Variants in NANS observed in about 807,000 individuals in gnomAD.
The protein encoded by NANS is N-acetylneuraminate-9-phosphate synthase.
In NANS, 29 loss-of-function variants were observed where a neutral mutation model predicts 33.3. The ratio of observed to expected loss-of-function variants is 0.87; its 90% CI spans 0.65 to 1.19. NANS has a LOEUF of 1.19. Ranked by LOEUF, NANS falls within the 50% of genes most tolerant of loss-of-function variation. NANS has a pLI of 0.00. For missense variants in NANS, 394 were observed against 461.1 expected (o/e 0.85, Z 1.33); for synonymous variants, 163 against 177.2 (o/e 0.92, Z 0.64).
intron 2 of NANS, among the ~76,000 whole-genome samples, chr9:98,064,950 G>A (rs942694776): frequency 1.3e-5 from 2 of 152,070 alleles, no homozygotes; most frequent in East Asian, 1.9e-4. Flanking sequence ...TTAAACCTAC[G>A]TAAAAAGGTT....
Position 98,059,046 on chromosome 9 carries a change from C to T in NANS, c.133-1736C>T, listed in dbSNP as rs142365852. On this transcript the variant is annotated intron_variant, in intron 1 of 5. Transcript: ENST00000210444. ...AAGTTTTTATTTTTTTTTTTCAAGA[C>T]GGAGTCTCGCTGTGTCACCCAGGCT... Among the ~76,000 whole-genome samples the T allele has an allele frequency of 9.3e-5, 14 of 151,152 alleles. No homozygotes were observed. The East Asian group carries it at 2.2e-3, about 23-fold the overall frequency.
chr9:98,063,289 T>A (rs1317255145), intron 2 of NANS, among the ~76,000 whole-genome samples: 1 of 152,128 alleles, frequency 6.6e-6, no homozygotes, highest in African/African-American at 2.4e-5. Context: ...TCTCCCAGGC[T>A]GGAGTGGAGT....
intron 2 of NANS, among the ~76,000 whole-genome samples, chr9:98,061,481 TAAAA>T (rs1284256979): frequency 1.3e-5 from 1 of 74,662 alleles, no homozygotes. Flanking sequence ...CATCTCAAAT[TAAAA>T]AAAAAAAAAA....
chr9:98,081,893 T>A (rs1449970458), intron 5 of NANS: 1 of 152,144 alleles, frequency 6.6e-6, no homozygotes, highest in Non-Finnish European at 1.5e-5. Context: ...AATAGTTTCT[T>A]TATAGAGGAA....
At chr9:98,062,155 A>G (rs1421174446) in intron 2 of NANS, among the ~76,000 whole-genome samples, 3 of 151,738 alleles carry the variant, frequency 2.0e-5, no homozygotes, top group Non-Finnish European at 4.4e-5. Context: ...GCAGTTAGCC[A>G]TGACTGGACC....
intron 2 of NANS, chr9:98,069,463 G>A (rs1368537288): frequency 1.3e-5 from 2 of 152,088 alleles, no homozygotes; most frequent in African/African-American, 2.4e-5. Context: ...TTGCAGAGAT[G>A]GGGTTTCACC....
intron 2 of NANS, among the ~76,000 whole-genome samples, chr9:98,073,687 T>C (rs1829456363): frequency 6.6e-6 from 1 of 151,984 alleles, no homozygotes; most frequent in Non-Finnish European, 1.5e-5. Context: ...TCCTTACCCC[T>C]GACTCAGATC....
chr9:98,056,775 C>A lies in NANS; in HGVS notation c.-34C>A, dbSNP rs760531732. The A allele has an allele frequency of 1.2e-6, 2 of 1,603,182 alleles. No individual in the cohort carries two copies. Among genetic ancestry groups the A allele is most frequent in the Admixed American group, 1.7e-5 (1 of 59,144 alleles). ...GGCGGCGGCGGCGGCCGGACCCAGA[C>A]TGGTAGTGAGGCTTTGGACCCCGAG... On this transcript the variant is annotated 5_prime_UTR_variant, in exon 1 of 6. It adds an upstream start codon to the 5' untranslated region. Coordinates refer to ENST00000210444, the MANE Select transcript of NANS (RefSeq NM_018946.4).
At chr9:98,078,528 A>G (rs1170414925) in intron 4 of NANS, among the ~76,000 whole-genome samples, 181 bp downstream of exon 4, 4 of 152,144 alleles carry the variant, frequency 2.6e-5, no homozygotes, top group African/African-American at 7.2e-5. Context: ...CATTCTAAAG[A>G]GGGTGACTGT....
chr9:98,083,067 C>A lies in NANS; in HGVS notation c.*12C>A. On this transcript the variant is annotated 3_prime_UTR_variant, in exon 6 of 6. Transcript: ENST00000210444. ...AAATCAAGTCTTAAAAATAAAGTGCCATTCTCTGAATTCTCAGTTCCCTTG... is the reference window on the plus strand; with the variant it reads ...AAATCAAGTCTTAAAAATAAAGTGCAATTCTCTGAATTCTCAGTTCCCTTG... The A allele has an allele frequency of 1.2e-6, 2 of 1,612,346 alleles. No individual in the cohort carries two copies. The highest frequency in any genetic ancestry group is 2.2e-5 in the South Asian group (2 of 90,970).
intron 1 of NANS, among the ~76,000 whole-genome samples, chr9:98,059,220 TCA>T (rs1313961219): frequency 2.0e-5 from 3 of 152,146 alleles, no homozygotes; most frequent in African/African-American, 7.2e-5. Context: ...AGACGGGGTT[TCA>T]CCATGTTAGC....
At chr9:98,065,734 G>C (rs536892674) in intron 2 of NANS, among the ~76,000 whole-genome samples, 1 of 151,362 alleles carries the variant, frequency 6.6e-6, no homozygotes. Context: ...GAATTCCCAC[G>C]TGTTGTGGGA....
chr9:98,078,333 C>T lies in NANS; in HGVS notation c.589C>T (p.Leu197=), dbSNP rs774178572. The part of the protein sequence containing the change: ...AYPLQPEDVN[L]RVISEYQKLF... ...CCCGCTCCAGCCTGAGGACGTCAAC[C>T]TGCGGGTCATCTCGGTGAGCAGGAG... The change falls in exon 4 of 6, where the codon CTG becomes TTG. Residue 197 remains leucine, a synonymous_variant. Transcript: ENST00000210444. 2 of 1,613,982 alleles carry T rather than the reference C, an allele frequency of 1.2e-6. No homozygotes were observed. The highest frequency in any genetic ancestry group is 4.5e-5 in the East Asian group (2 of 44,884).
At chr9:98,073,039 G>C (rs2117864977) in intron 2 of NANS, among the ~76,000 whole-genome samples, 1 of 152,246 alleles carries the variant, frequency 6.6e-6, no homozygotes, top group Admixed American at 6.5e-5. Context: ...TAGTCTAAAA[G>C]GAAAGTTCTA....
chr9:98,060,967 G>T lies in NANS; in HGVS notation c.318G>T (p.Gly106=), dbSNP rs1828957337. ...RELQRYAEEV[G]IFFTASGMDE... is the part of the protein sequence containing the mutation. The stretch of plus-strand genomic sequence containing the variant: ...TGCAGAGGTACGCCGAGGAGGTTGG[G>T]ATCTTCTTCACTGCCTCTGGCATGG... The change falls in exon 2 of 6, where the codon GGG becomes GGT. Residue 106 remains glycine (G), a synonymous_variant. Coordinates refer to ENST00000210444, the MANE Select transcript of NANS (RefSeq NM_018946.4). 1.2e-6 allele frequency: 2 copies of T among 1,614,008 alleles called. No homozygotes were observed. Among genetic ancestry groups the T allele is most frequent in the South Asian group, 2.2e-5 (2 of 91,074 alleles).
intron 1 of NANS, 86 bp downstream of exon 1, chr9:98,057,026 G>A: frequency 7.0e-7 from 1 of 1,435,124 alleles, no homozygotes; most frequent in Non-Finnish European, 9.2e-7. Flanking sequence ...CACGGCCTCC[G>A]CGGCTGGGTA....
chr9:98,059,174 C>T (rs1384008546), intron 1 of NANS, among the ~76,000 whole-genome samples: 1 of 152,030 alleles, frequency 6.6e-6, no homozygotes, highest in Non-Finnish European at 1.5e-5. Flanking sequence ...CAGGTGCCCA[C>T]CACCACACCT....
intron 2 of NANS, among the ~76,000 whole-genome samples, chr9:98,072,095 C>T (rs554284607): frequency 1.1e-4 from 16 of 152,322 alleles, no homozygotes; most frequent in Non-Finnish European, 1.9e-4. Flanking sequence ...GCTCTCTGAG[C>T]TCAGCTCCTG....
At chr9:98,072,070 G>A (rs1829359629) in intron 2 of NANS, among the ~76,000 whole-genome samples, 1 of 152,190 alleles carries the variant, frequency 6.6e-6, no homozygotes, top group South Asian at 2.1e-4. Flanking sequence ...TCTGTGATGG[G>A]TGTTTTAGAG....
Sources: allele counts gnomAD v4.1 joint callset (sites outside exome capture counted in the v4.1 genomes callset), GRCh38; gene constraint gnomAD v4.1.1; transcripts MANE v1.5; gene names NCBI Gene and HGNC (gene_info 2026-07-23, HGNC 2026-07-21).